IQSEC1: variants seen among roughly 807,000 people sequenced by gnomAD.
IQSEC1 encodes the protein IQ motif and Sec7 domain ArfGEF 1.
IQSEC1 carries 31 observed loss-of-function variants against 91.0 expected under a neutral mutation model. The ratio of observed to expected loss-of-function variants is 0.34; its 90% CI spans 0.26 to 0.46. IQSEC1 has a LOEUF of 0.46. Among genes scored for constraint, IQSEC1 ranks in the 20% least tolerant of loss-of-function variants. The pLI is 1.00. For synonymous variants in IQSEC1, 699 were observed against 662.6 expected, an observed-to-expected ratio of 1.05 and a Z score of -0.84; for missense variants, 1,388 against 1,575.6, an observed-to-expected ratio of 0.88 and a Z score of 2.02.
At chr3:13,131,932 T>C (rs1189641000) in intron 2 of IQSEC1, among the ~76,000 whole-genome samples, 1 of 152,250 alleles carries the variant, frequency 6.6e-6, no homozygotes, top group African/African-American at 2.4e-5. Flanking sequence ...GCATGGAATA[T>C]AGTTATAATT....
At chr3:13,162,193 T>G (rs906074953) in intron 2 of IQSEC1, among the ~76,000 whole-genome samples, 1 of 152,338 alleles carries the variant, frequency 6.6e-6, no homozygotes, top group Admixed American at 6.5e-5. Flanking sequence ...AGGGACCCGC[T>G]GCCCACCATG....
chr3:12,907,098 C>T (rs2125055432), intron 12 of IQSEC1, among the ~76,000 whole-genome samples: 1 of 152,238 alleles, frequency 6.6e-6, no homozygotes, highest in South Asian at 2.1e-4. Context: ...CCGGGACGGT[C>T]CCCCAGCAAG....
Position 12,994,070 on chromosome 3 carries a change from C to T in IQSEC1, c.24-52205G>A, listed in dbSNP as rs1702117094. ...GTCGCCGGGCGCGTCCCCCGCCGGC[C>T]CGCCTCCTACCTCGCGGGTCCGCCC... On this transcript the variant is annotated intron_variant, in intron 1 of 13. Coordinates refer to ENST00000613206, the MANE Select transcript of IQSEC1 (RefSeq NM_001134382.3). This position sits in a 1 kb window ranked among gnomAD's most constrained non-coding sequence, Gnocchi z 4.5. Among the ~76,000 whole-genome samples, 1 of 147,276 alleles carries T rather than the reference C, an allele frequency of 6.8e-6. No homozygotes were observed. The highest frequency in any genetic ancestry group is 2.4e-5 in the African/African-American group (1 of 40,894).
intron 1 of IQSEC1, among the ~76,000 whole-genome samples, chr3:12,944,198 C>A (rs1405288249): frequency 6.6e-6 from 1 of 152,222 alleles, no homozygotes. Flanking sequence ...GTCTCCCAAG[C>A]CCCTCCCCTA....
At chr3:13,025,968 G>A (rs1703597204) in intron 1 of IQSEC1, among the ~76,000 whole-genome samples, 1 of 152,200 alleles carries the variant, frequency 6.6e-6, no homozygotes, top group African/African-American at 2.4e-5. Context: ...CCCTGGGCCA[G>A]GAATTCTGCA....
chr3:13,053,332 C>T (rs935113463), intron 1 of IQSEC1, among the ~76,000 whole-genome samples: 1 of 152,110 alleles, frequency 6.6e-6, no homozygotes, highest in Non-Finnish European at 1.5e-5. Context: ...AGTGAATCCC[C>T]TCGAGCCTTC....
At chr3:13,219,518 C>A (rs1191797991) in intron 1 of IQSEC1, among the ~76,000 whole-genome samples, 1 of 152,218 alleles carries the variant, frequency 6.6e-6, no homozygotes, top group Non-Finnish European at 1.5e-5. Context: ...GAAGCAGACG[C>A]ACCTCGCAGA....
chr3:13,009,113 C>T (rs1702761069), intron 1 of IQSEC1, among the ~76,000 whole-genome samples: 1 of 152,202 alleles, frequency 6.6e-6, no homozygotes, highest in South Asian at 2.1e-4. Context: ...CTGTGAAGTG[C>T]CTGGCACTGG....
chr3:12,933,395 CA>C (rs1204157938), intron 3 of IQSEC1, among the ~76,000 whole-genome samples: 2 of 152,206 alleles, frequency 1.3e-5, no homozygotes, highest in African/African-American at 4.8e-5. Context: ...AGGAGCAAGA[CA>C]GCCTGTGTGT....
chr3:13,072,620 T>A (rs539944589), intron 1 of IQSEC1, among the ~76,000 whole-genome samples: 12 of 152,236 alleles, frequency 7.9e-5, no homozygotes, highest in Non-Finnish European at 1.8e-4. Flanking sequence ...GCTGAAGGGC[T>A]GGCCATGGGC....
chr3:13,149,879 A>T (rs1328956059), intron 2 of IQSEC1, among the ~76,000 whole-genome samples: 1 of 152,192 alleles, frequency 6.6e-6, no homozygotes, highest in African/African-American at 2.4e-5. Flanking sequence ...TACAGTCATG[A>T]CCTGTCTTCA....
intron 1 of IQSEC1, among the ~76,000 whole-genome samples, chr3:13,036,554 C>G (rs1704042160): frequency 6.6e-6 from 1 of 152,240 alleles, no homozygotes; most frequent in Admixed American, 6.5e-5. Flanking sequence ...CACAAAGCCA[C>G]CCAGGGTGCC....
At chr3:13,243,470 T>C (rs1056289711) in intron 1 of IQSEC1, among the ~76,000 whole-genome samples, 1 of 152,224 alleles carries the variant, frequency 6.6e-6, no homozygotes, top group Non-Finnish European at 1.5e-5. Flanking sequence ...CAGACCCTTC[T>C]GGAACAACAG....
At chr3:13,060,389 T>C (rs1015203673) in intron 1 of IQSEC1, among the ~76,000 whole-genome samples, 11 of 147,122 alleles carry the variant, frequency 7.5e-5, no homozygotes, top group Non-Finnish European at 1.5e-4. Context: ...GCTCCTGCGG[T>C]GGGGCCCGGG....
At position 13,046,506 on chromosome 3, in the gene IQSEC1, C is replaced by T. The variant is rs914786988; in HGVS notation, c.23+26486G>A. Among the ~76,000 whole-genome samples the T allele has an allele frequency of 5.3e-5, 8 of 152,344 alleles. No homozygotes were observed. In the East Asian group the frequency reaches 1.2e-3, roughly 22 times the overall value. On this transcript the variant is annotated intron_variant, in intron 1 of 13. Transcript: ENST00000613206. ...TATAGCATCTGCTGCAACCCTGACA[C>T]GTGGGGCCCAGCCCTTGGTTGCTGT... is the stretch of plus-strand genomic sequence containing the variant.
intron 2 of IQSEC1, among the ~76,000 whole-genome samples, chr3:13,092,881 C>A (rs1263796673): frequency 2.0e-5 from 3 of 152,176 alleles, no homozygotes; most frequent in Admixed American, 6.5e-5. Flanking sequence ...CTTCGAGTCC[C>A]GGGGCCTTTG....
chr3:13,183,152 AG>A lies in IQSEC1; in HGVS notation c.273-19020del, dbSNP rs1191911039. ...ACACTCCAGCCTGGGTGACAGAGCA[AG>A]ACTCTGTCCCCACCAATAAATAAAC... On this transcript the variant is annotated intron_variant, in intron 1 of 15. Coordinates refer to the IQSEC1 transcript ENST00000648114. Among the ~76,000 whole-genome samples, 7 of 151,800 alleles carry A rather than the reference AG, an allele frequency of 4.6e-5. No homozygotes were observed. In the East Asian group the frequency reaches 1.4e-3, roughly 29 times the overall value.
intron 2 of IQSEC1, among the ~76,000 whole-genome samples, chr3:13,105,142 G>T (rs1706132330): frequency 6.6e-6 from 1 of 152,146 alleles, no homozygotes; most frequent in Admixed American, 6.5e-5. Context: ...TTCATGGTCT[G>T]GCCCCTTTGA....
At chr3:12,961,260 C>T (rs1700226964) in intron 1 of IQSEC1, among the ~76,000 whole-genome samples, 1 of 152,256 alleles carries the variant, frequency 6.6e-6, no homozygotes, top group South Asian at 2.1e-4. Context: ...TCTGCTCCAT[C>T]TGACACAGGG....
Sources: allele counts gnomAD v4.1 joint callset (sites outside exome capture counted in the v4.1 genomes callset), GRCh38; gene constraint gnomAD v4.1.1; non-coding constraint Gnocchi (gnomAD v3.1); transcripts MANE v1.5; gene names NCBI Gene and HGNC (gene_info 2026-07-23, HGNC 2026-07-21).